Variants in CRYZ observed in about 807,000 individuals in gnomAD.
CRYZ encodes the protein crystallin zeta, also known as zeta-crystallin.
Under a neutral mutation model 34.1 loss-of-function variants are expected in CRYZ, and 35 were observed. The observed-to-expected ratio is 1.03, with a 90% CI of 0.78 to 1.36. The LOEUF (loss-of-function observed/expected upper bound fraction) is 1.36. Ranked by LOEUF, CRYZ falls within the 40% of genes most tolerant of loss-of-function variation. The pLI is 0.00. For synonymous variants in CRYZ, 137 were observed against 136.5 expected, an observed-to-expected ratio of 1.00 and a Z score of -0.03; for missense variants, 403 against 391.8, an observed-to-expected ratio of 1.03 and a Z score of -0.24.
In CRYZ at chr1:74,710,107, ATCAATGTAAT is replaced by A. The variant is rs771455845; in HGVS notation, c.611_620del (p.Asn204IlefsTer14). Reference sequence around the variant, plus strand: ...CAGTGGAAAATTTTACCTTAATTTTATCAATGTAATTCACTTCTCTGTGATTGAACACTTC... The same window carrying A: ...CAGTGGAAAATTTTACCTTAATTTTATCACTTCTCTGTGATTGAACACTTC... On this transcript the variant is annotated frameshift_variant, in exon 6 of 9. Coordinates refer to ENST00000340866, the MANE Select transcript of CRYZ (RefSeq NM_001889.4). LOFTEE classifies it high-confidence loss of function. The A allele has an allele frequency of 1.2e-6, 2 of 1,611,964 alleles. No individual in the cohort carries two copies. The highest frequency in any genetic ancestry group is 1.7e-6 in the Non-Finnish European group (2 of 1,179,064).
At chr1:74,732,260 C>A (rs139970702) in intron 1 of CRYZ, among the ~76,000 whole-genome samples, 7,203 of 131,654 alleles carry the variant, frequency 0.055, 255 homozygotes, top group Middle Eastern at 0.1. Context: ...CTGGGCTGTG[C>A]GAAGGGGCAC....
At position 74,706,341 on chromosome 1, in the gene CRYZ, G is replaced by A; in HGVS notation, c.945C>T (p.Ile315=). Residue 315 remains isoleucine, a synonymous_variant, in exon 9 of 9, where the codon ATC becomes ATT. Coordinates refer to ENST00000340866, the MANE Select transcript of CRYZ (RefSeq NM_001889.4). Reference sequence around the variant, plus strand: ...TTCCAGTAGCCCCACTACCATGAATGATATTTTCATGAGCCTCGGCCACCT... The same window carrying A: ...TTCCAGTAGCCCCACTACCATGAATAATATTTTCATGAGCCTCGGCCACCT... ...LEKVAEAHEN[I]IHGSGATGKM... 6.2e-7 allele frequency: 1 copy of A among 1,612,130 alleles called. No homozygotes were observed. Among genetic ancestry groups the A allele is most frequent in the Non-Finnish European group, 8.5e-7 (1 of 1,179,018 alleles).
chr1:74,727,432 T>G (rs1180738906), intron 1 of CRYZ, among the ~76,000 whole-genome samples: 1 of 109,124 alleles, frequency 9.2e-6, no homozygotes, highest in Non-Finnish European at 1.8e-5. Context: ...TGGCTAACAG[T>G]GAAACCCCAT....
rs775265692 is a variant in CRYZ at position 74,710,158 on chromosome 1, C to CA, written c.569dup (p.Leu190PhefsTer7). 33 of 1,613,734 alleles carry CA rather than the reference C, an allele frequency of 2.0e-5. No individual in the cohort carries two copies. The East Asian group carries it at 6.7e-4, about 33-fold the overall frequency. ...TGAACACTTCATGGGCTCCATTTTG[C>CA]AAAACAATCTTTTGTCCTTCCTCAG... On this transcript the variant is annotated frameshift_variant, in exon 6 of 9. Transcript: ENST00000340866. LOFTEE classifies it high-confidence loss of function.
chr1:74,706,309 A>C lies in CRYZ; in HGVS notation c.977T>G (p.Ile326Ser). The C allele has an allele frequency of 6.2e-7, 1 of 1,603,890 alleles. No homozygotes were observed. The highest frequency in any genetic ancestry group is 8.5e-7 in the Non-Finnish European group (1 of 1,176,670). ...IHGSGATGKMILLL is the reference protein window; with the variant it reads ...IHGSGATGKMSLLL ...AAGAATTAATCATCATAAGAGAAGAATCATTTTTCCAGTAGCCCCACTACC... is the reference window on the plus strand; with the variant it reads ...AAGAATTAATCATCATAAGAGAAGACTCATTTTTCCAGTAGCCCCACTACC... Residue 326 changes from isoleucine (I) to serine (S), a missense_variant, in exon 9 of 9, where the codon ATT becomes AGT. Ile to Ser is a moderately radical substitution (Grantham distance 142). Transcript: ENST00000340866.
rs1647249855 is a variant in CRYZ, at chr1:74,724,761, C to G, written c.61G>C (p.Val21Leu). ...GCAATATCTGATCGCAATTTCAGGA[C>G]TTCTGGCCCACCAAATTCAAAAACT... ...VRVFEFGGPEVLKLRSDIAVP... is the reference protein window; with the variant it reads ...VRVFEFGGPELLKLRSDIAVP... The change falls in exon 2 of 9, where the codon GTC becomes CTC. Residue 21 changes from valine to leucine, a missense_variant. Physicochemically the swap from Val to Leu is conservative, Grantham distance 32 (BLOSUM62 1). Coordinates refer to ENST00000340866, the MANE Select transcript of CRYZ (RefSeq NM_001889.4). 1.2e-6 allele frequency: 2 copies of G among 1,613,604 alleles called. No individual in the cohort carries two copies.
chr1:74,711,940 G>A (rs569277395), intron 5 of CRYZ, among the ~76,000 whole-genome samples: 1 of 152,152 alleles, frequency 6.6e-6, no homozygotes, highest in East Asian at 1.9e-4. Flanking sequence ...GGTGGAACAT[G>A]GTGGCTCATG....
At position 74,724,808 on chromosome 1, in the gene CRYZ, T is replaced by C; in HGVS notation, c.14A>G (p.Gln5Arg). Residue 5 changes from glutamine (Q) to arginine (R), a missense_variant, in exon 2 of 9, where the codon CAG becomes CGG. Coordinates refer to ENST00000340866, the MANE Select transcript of CRYZ (RefSeq NM_001889.4). MATG[Q>R]KLMRAVRVFE... is the part of the protein sequence containing the mutation. ...AACTCTAACAGCTCTCATCAACTTC[T>C]GTCCAGTCGCCATGGTGATCTAGAT... The C allele has an allele frequency of 6.2e-7, 1 of 1,609,826 alleles. No individual in the cohort carries two copies. Among genetic ancestry groups the C allele is most frequent in the Non-Finnish European group, 8.5e-7 (1 of 1,177,974 alleles).
At chr1:74,718,117 A>G (rs1478340501) in intron 4 of CRYZ, among the ~76,000 whole-genome samples, 1 of 152,102 alleles carries the variant, frequency 6.6e-6, no homozygotes, top group East Asian at 1.9e-4. Flanking sequence ...ACAGTTAAAC[A>G]TGACCCAAGC....
intron 5 of CRYZ, among the ~76,000 whole-genome samples, chr1:74,712,954 C>G (rs886967068): frequency 2.0e-5 from 3 of 152,184 alleles, no homozygotes; most frequent in Non-Finnish European, 2.9e-5. Flanking sequence ...GCACTCCTCA[C>G]CAACATATCT....
Position 74,723,172 on chromosome 1 carries a change from G to C in CRYZ, c.210C>G (p.Gly70=). The C allele has an allele frequency of 6.2e-7, 1 of 1,614,044 alleles. No homozygotes were observed. Among genetic ancestry groups the C allele is most frequent in the Non-Finnish European group, 8.5e-7 (1 of 1,179,940 alleles). Residue 70 remains glycine, a synonymous_variant, in exon 3 of 9, where the codon GGC becomes GGG. Coordinates refer to ENST00000340866, the MANE Select transcript of CRYZ (RefSeq NM_001889.4). ...SRKPLLPYTP[G]SDVAGVIEAV... is the part of the protein sequence containing the mutation. ...CTTCTATCACCCCAGCCACATCTGA[G>C]CCAGGAGTATAGGGTAAGAGTGGTT... is the stretch of plus-strand genomic sequence containing the variant.
Position 74,707,222 on chromosome 1 carries a change from A to C in CRYZ, c.631-18T>G. ...ACATACTTCTATATAATAAAAGAGA[A>C]ATGTAGAGTAAGATAGCAAGTGAAA... On this transcript the variant is annotated intron_variant, in intron 6 of 8. Transcript: ENST00000340866. 1 of 1,344,574 alleles carries C rather than the reference A, an allele frequency of 7.4e-7. No individual in the cohort carries two copies. The highest frequency in any genetic ancestry group is 1.0e-6 in the Non-Finnish European group (1 of 956,564). 83.3% of individuals were successfully genotyped at this position (1,344,574 alleles called of 1,614,324 possible). A position where few individuals can be genotyped will look rare whatever the true frequency, so the allele number is the denominator to read the frequency against.
chr1:74,707,052 G>A, intron 7 of CRYZ, 51 bp downstream of exon 7: 1 of 1,535,958 alleles, frequency 6.5e-7, no homozygotes, highest in Non-Finnish European at 8.9e-7. Flanking sequence ...GTGTTAAATT[G>A]TGGTAAAACA....
intron 1 of CRYZ, among the ~76,000 whole-genome samples, 192 bp from the exon 2 acceptor site, chr1:74,725,026 T>C (rs1647262847): frequency 6.6e-6 from 1 of 152,196 alleles, no homozygotes; most frequent in Non-Finnish European, 1.5e-5. Flanking sequence ...GAATCCTTCA[T>C]GCTACTTCCT....
At chr1:74,724,091 G>A (rs1647220211) in intron 2 of CRYZ, among the ~76,000 whole-genome samples, 1 of 152,150 alleles carries the variant, frequency 6.6e-6, no homozygotes, top group African/African-American at 2.4e-5. Flanking sequence ...GAAGTATTAA[G>A]GAAATTGGAC....
intron 1 of CRYZ, among the ~76,000 whole-genome samples, chr1:74,726,879 C>T (rs1647370737): frequency 6.6e-6 from 1 of 152,182 alleles, no homozygotes; most frequent in Non-Finnish European, 1.5e-5. Context: ...CCTAAATCAT[C>T]TTAGGTTCAA....
chr1:74,715,924 C>T (rs866737777), intron 4 of CRYZ, among the ~76,000 whole-genome samples: 184 of 119,918 alleles, frequency 1.5e-3, no homozygotes, highest in Middle Eastern at 4.3e-3. Flanking sequence ...TTTTTTTTTT[C>T]GAATGAGATT....
intron 4 of CRYZ, among the ~76,000 whole-genome samples, chr1:74,715,660 CTAGTGT>C (rs1647061780): frequency 6.6e-6 from 1 of 152,096 alleles, no homozygotes; most frequent in African/African-American, 2.4e-5. Context: ...GATAGGATGA[CTAGTGT>C]TAAACTATGG....
chr1:74,718,844 A>G (rs1647112671), intron 4 of CRYZ, among the ~76,000 whole-genome samples: 1 of 152,160 alleles, frequency 6.6e-6, no homozygotes, highest in African/African-American at 2.4e-5. Flanking sequence ...GCTTTAAAAT[A>G]ATCTAAGTCT....
Sources: allele counts gnomAD v4.1 joint callset (sites outside exome capture counted in the v4.1 genomes callset), GRCh38; gene constraint gnomAD v4.1.1; transcripts MANE v1.5; gene names NCBI Gene and HGNC (gene_info 2026-07-23, HGNC 2026-07-21).